The following ITSN2 variants were observed in gnomAD, a reference collection of about 807,000 sequenced individuals.
The protein encoded by ITSN2 is intersectin-2.
Under a neutral mutation model 243.7 loss-of-function variants are expected in ITSN2, and 156 were observed. The ratio of observed to expected loss-of-function variants is 0.64; its 90% CI spans 0.56 to 0.73. The LOEUF is 0.73. Among genes scored for constraint, ITSN2 ranks in the 30% least tolerant of loss-of-function variants. ITSN2 has a pLI of 0.00. For missense variants in ITSN2, 1,801 were observed against 1,996.1 expected (o/e 0.90, Z 1.86); for synonymous variants, 703 against 699.9 (o/e 1.00, Z -0.07).
intron 17 of ITSN2, among the ~76,000 whole-genome samples, chr2:24,277,486 T>C (rs1383023702): frequency 6.6e-6 from 1 of 152,230 alleles, no homozygotes; most frequent in Admixed American, 6.5e-5. Flanking sequence ...ACTGCTTTTA[T>C]AGCAGAATTT....
intron 8 of ITSN2, among the ~76,000 whole-genome samples, chr2:24,307,303 A>G (rs770617792): frequency 1.3e-5 from 2 of 152,172 alleles, no homozygotes; most frequent in Non-Finnish European, 2.9e-5. Flanking sequence ...ACACAGTGCT[A>G]AGACATCACT....
intron 26 of ITSN2, 35 bp from the exon 27 acceptor site, chr2:24,248,785 T>C (rs781175782): frequency 3.7e-6 from 6 of 1,612,976 alleles, no homozygotes; most frequent in East Asian, 4.5e-5. Context: ...GAATTCAAGA[T>C]TGCGACAGAG....
intron 8 of ITSN2, among the ~76,000 whole-genome samples, chr2:24,307,992 G>A (rs754622950): frequency 2.8e-4 from 42 of 151,924 alleles, no homozygotes; most frequent in Non-Finnish European, 4.7e-4. Context: ...TATTTTACTC[G>A]GTCCTAAATC....
chr2:24,343,090 C>CA (rs1254724019), intron 1 of ITSN2, among the ~76,000 whole-genome samples: 1,174 of 68,368 alleles, frequency 0.017, 14 homozygotes, highest in African/African-American at 0.051. Context: ...GACCCCATCT[C>CA]AAAAAAAAAA....
chr2:24,283,778 C>T lies in ITSN2; in HGVS notation c.1944+985G>A, dbSNP rs568187295. ...CTGCTGGCCTGTGGAGAATCAAATG[C>T]TAACTCAAAGAATCAGACTCTGTGA... On this transcript the variant is annotated intron_variant, in intron 17 of 39. Transcript: ENST00000355123. Among the ~76,000 whole-genome samples, 33 of 152,316 alleles carry T rather than the reference C, an allele frequency of 2.2e-4. No homozygotes were observed. The Middle Eastern group carries it at 0.01, about 47-fold the overall frequency.
chr2:24,204,009 G>T lies in ITSN2; in HGVS notation c.4937-226C>A. 1 of 631,578 alleles carries T rather than the reference G, an allele frequency of 1.6e-6. No homozygotes were observed. Among genetic ancestry groups the T allele is most frequent in the South Asian group, 2.0e-5 (1 of 50,262 alleles). 39.1% of individuals were successfully genotyped at this position (631,578 alleles called of 1,614,324 possible). ...AATCTCCATTCTGAGAATGCTCCAG[G>T]AGTGGTGTTCACGTCGTGTGTGTAG... On this transcript the variant is annotated intron_variant, in intron 39 of 39. Transcript: ENST00000355123. This position sits in a 1 kb window ranked among gnomAD's most constrained non-coding sequence, Gnocchi z 5.1.
chr2:24,315,226 T>C lies in ITSN2; in HGVS notation c.32-2A>G. On this transcript the variant is annotated splice_acceptor_variant, in intron 2 of 39. Coordinates refer to ENST00000355123, the MANE Select transcript of ITSN2 (RefSeq NM_006277.3). LOFTEE classifies it high-confidence loss of function. Reference sequence around the variant, plus strand: ...TAATAGCCCACATGTTTGGCCCTCCTGAAACATAAGTGGAAGAAACTATAG... The same window carrying C: ...TAATAGCCCACATGTTTGGCCCTCCCGAAACATAAGTGGAAGAAACTATAG... 2 of 1,591,086 alleles carry C rather than the reference T, an allele frequency of 1.3e-6. No individual in the cohort carries two copies. The highest frequency in any genetic ancestry group is 1.7e-6 in the Non-Finnish European group (2 of 1,161,596).
Position 24,208,304 on chromosome 2 carries a change from C to A in ITSN2, c.4611G>T (p.Gln1537His). The stretch of plus-strand genomic sequence containing the variant: ...ACTGCTCAGACGCCGCCTTGATCTT[C>A]TGCACCCAGGCGGTCCTACGGGAGA... ...DNINERTAWV[Q>H]KIKAASEQYI... Residue 1537 changes from glutamine (Q) to histidine (H), a missense_variant, in exon 37 of 40, where the codon CAG (glutamine) becomes CAT (histidine). By Grantham distance (24) the Gln-to-His change is conservative (BLOSUM62 0). Around this residue, in one of 5 missense-constraint regions of ITSN2, gnomAD observed 928 missense variants for 1,065.4 expected, o/e 0.87. Coordinates refer to ENST00000355123, the MANE Select transcript of ITSN2 (RefSeq NM_006277.3). 1 of 1,612,460 alleles carries A rather than the reference C, an allele frequency of 6.2e-7. No individual in the cohort carries two copies. Among genetic ancestry groups the A allele is most frequent in the South Asian group, 1.1e-5 (1 of 91,082 alleles).
At chr2:24,339,301 T>C (rs934343166) in intron 1 of ITSN2, among the ~76,000 whole-genome samples, 3 of 100,176 alleles carry the variant, frequency 3.0e-5, no homozygotes, top group African/African-American at 9.0e-5. Flanking sequence ...GGAAACTCCA[T>C]CTCTACAAAA....
rs61757119 is a variant in ITSN2, at chr2:24,299,931, C to T, written c.1322G>A (p.Arg441Lys). ...ELERQREEER[R>K]KDIERREAAK... ...AACCTCTCGTCTTTCTATGTCTTTT[C>T]TCCTTTCTTCCTCTCGTTGTCTCTC... The change falls in exon 12 of 40, where the codon AGA (arginine) becomes AAA (lysine). Residue 441 changes from arginine to lysine, a missense_variant. Physicochemically the swap from Arg to Lys is conservative, Grantham distance 26 (BLOSUM62 2). Coordinates refer to ENST00000355123, the MANE Select transcript of ITSN2 (RefSeq NM_006277.3). 9.3e-3 allele frequency: 14,989 copies of T among 1,608,746 alleles called. 88 individuals carry two copies. The highest frequency in any genetic ancestry group is 0.011 in the Non-Finnish European group (13,271 of 1,178,384).
At chr2:24,286,890 T>G (rs1451841630) in intron 15 of ITSN2, among the ~76,000 whole-genome samples, 1 of 152,164 alleles carries the variant, frequency 6.6e-6, no homozygotes, top group African/African-American at 2.4e-5. Flanking sequence ...TATATTATCT[T>G]TTTTTACATA....
At chr2:24,350,764 T>C (rs1687947047) in intron 1 of ITSN2, among the ~76,000 whole-genome samples, 1 of 152,228 alleles carries the variant, frequency 6.6e-6, no homozygotes, top group African/African-American at 2.4e-5. Flanking sequence ...ATATATTGTA[T>C]AATTCCATTT....
At chr2:24,252,570 A>G (rs562852717) in intron 24 of ITSN2, 59 bp from the exon 25 acceptor site, 1 of 1,283,154 alleles carries the variant, frequency 7.8e-7, no homozygotes, top group South Asian at 1.4e-5. Context: ...GAAGTGAAAA[A>G]GAAATTAGGT....
chr2:24,289,440 G>C (rs960049092), intron 15 of ITSN2, among the ~76,000 whole-genome samples: 3 of 152,006 alleles, frequency 2.0e-5, no homozygotes, highest in African/African-American at 7.3e-5. Context: ...ACTGATTTTT[G>C]TATGCTGATT....
chr2:24,330,379 C>A, intron 1 of ITSN2: 1 of 556,740 alleles, frequency 1.8e-6, no homozygotes, highest in East Asian at 4.3e-5. Flanking sequence ...AAGTGCTTAC[C>A]TCCTGCCACC....
intron 1 of ITSN2, among the ~76,000 whole-genome samples, chr2:24,328,355 G>C (rs899437751): frequency 2.0e-5 from 3 of 151,908 alleles, no homozygotes; most frequent in African/African-American, 7.3e-5. Context: ...AGTAGATACT[G>C]AATAAAGAAA....
chr2:24,230,972 C>A (rs57991618), intron 29 of ITSN2, among the ~76,000 whole-genome samples: 7 of 140,578 alleles, frequency 5.0e-5, no homozygotes, highest in African/African-American at 1.9e-4. Flanking sequence ...TCCTCAGGCA[C>A]CACAGGATGC....
intron 29 of ITSN2, among the ~76,000 whole-genome samples, chr2:24,223,265 G>A (rs938126680): frequency 2.0e-5 from 3 of 152,108 alleles, no homozygotes; most frequent in African/African-American, 7.2e-5. Context: ...GTATAGATCT[G>A]GGCTTACAGA....
At chr2:24,248,584 G>A (rs772366913) in intron 27 of ITSN2, 45 bp downstream of exon 27, 6 of 1,500,414 alleles carry the variant, frequency 4.0e-6, no homozygotes, top group South Asian at 1.2e-5. Context: ...GGAGCATGCA[G>A]TACTTTTATA....
Sources: gnomAD v4.1 joint callset for allele counts (sites outside exome capture counted in the v4.1 genomes callset) on GRCh38, gnomAD v4.1.1 for gene constraint, gnomAD v4.1.1 regional missense constraint, Gnocchi (gnomAD v3.1) non-coding constraint, MANE v1.5 for transcripts, NCBI Gene and HGNC (gene_info 2026-07-23, HGNC 2026-07-21) for gene names.